NRXN1: variants seen among roughly 807,000 people sequenced by gnomAD.
The protein encoded by NRXN1 is neurexin-1.
A neutral mutation model predicts 150.9 loss-of-function variants in NRXN1; 39 were observed. That is an observed-to-expected ratio of 0.26 (90% CI 0.20 to 0.34). NRXN1 has a LOEUF of 0.34. Ranked by LOEUF, NRXN1 falls within the 10% of genes least tolerant of loss-of-function variation. The pLI is 1.00. For missense variants in NRXN1, 1,815 were observed against 1,949.9 expected, an observed-to-expected ratio of 0.93 and a Z score of 1.30; for synonymous variants, 924 against 757.0, an observed-to-expected ratio of 1.22 and a Z score of -3.62.
At chr2:50,806,609 T>C (rs1667547831) in intron 5 of NRXN1, among the ~76,000 whole-genome samples, 1 of 152,150 alleles carries the variant, frequency 6.6e-6, no homozygotes, top group African/African-American at 2.4e-5. Context: ...CCCTTAGAGA[T>C]ATGGTCACAC....
intron 2 of NRXN1, among the ~76,000 whole-genome samples, chr2:50,971,769 G>T (rs1468370729): frequency 2.0e-5 from 3 of 151,772 alleles, no homozygotes; most frequent in Non-Finnish European, 4.4e-5. Context: ...ACATTACACA[G>T]TCAGTGTTTA....
At chr2:50,409,662 G>A (rs1007411211) in intron 17 of NRXN1, among the ~76,000 whole-genome samples, 1 of 152,154 alleles carries the variant, frequency 6.6e-6, no homozygotes, top group Non-Finnish European at 1.5e-5. Flanking sequence ...TTTGAGTTAA[G>A]CCCTGTTACC....
chr2:50,379,917 T>G (rs574073510), intron 17 of NRXN1, among the ~76,000 whole-genome samples: 1 of 152,136 alleles, frequency 6.6e-6, no homozygotes, highest in Non-Finnish European at 1.5e-5. Flanking sequence ...GAAATAAGAT[T>G]ATGTTCCCAG....
chr2:50,558,884 C>T (rs193300782), intron 8 of NRXN1, among the ~76,000 whole-genome samples: 55 of 152,148 alleles, frequency 3.6e-4, no homozygotes, highest in Non-Finnish European at 6.3e-4. Flanking sequence ...AGATAGAGAC[C>T]ATCCTGGCTA....
At chr2:50,244,456 T>C (rs958696527) in intron 17 of NRXN1, among the ~76,000 whole-genome samples, 10 of 151,950 alleles carry the variant, frequency 6.6e-5, no homozygotes, top group Non-Finnish European at 8.8e-5. Context: ...TTGTGCTGAT[T>C]TGAATAAGTT....
chr2:49,947,228 A>G (rs549315752), intron 21 of NRXN1, among the ~76,000 whole-genome samples: 9 of 152,230 alleles, frequency 5.9e-5, no homozygotes, highest in East Asian at 5.8e-4. Context: ...GGAATGTTAA[A>G]TATATTGATG....
intron 5 of NRXN1, among the ~76,000 whole-genome samples, chr2:50,915,110 T>C (rs1272643261): frequency 6.6e-6 from 1 of 151,682 alleles, no homozygotes; most frequent in Non-Finnish European, 1.5e-5. Context: ...TCGGTTTTAG[T>C]CTCCTTAACA....
At chr2:50,593,449 G>C (rs1392130388) in intron 8 of NRXN1, among the ~76,000 whole-genome samples, 1 of 151,988 alleles carries the variant, frequency 6.6e-6, no homozygotes, top group Non-Finnish European at 1.5e-5. Context: ...TAAACTGTGA[G>C]GTATAAAAAT....
intron 17 of NRXN1, among the ~76,000 whole-genome samples, chr2:50,430,269 C>T (rs976441085): frequency 3.9e-5 from 6 of 151,992 alleles, no homozygotes; most frequent in Non-Finnish European, 1.5e-5. Context: ...GGGTAGGGAC[C>T]TATGTGCAAA....
chr2:50,730,031 T>C (rs374366880), intron 5 of NRXN1, among the ~76,000 whole-genome samples: 1 of 152,260 alleles, frequency 6.6e-6, no homozygotes, highest in East Asian at 1.9e-4. Context: ...GCAGCCACTC[T>C]CTCGACAGAT....
At chr2:50,203,786 C>T (rs899616200) in intron 18 of NRXN1, among the ~76,000 whole-genome samples, 4 of 152,206 alleles carry the variant, frequency 2.6e-5, no homozygotes, top group African/African-American at 9.6e-5. Flanking sequence ...GCTACAAAAT[C>T]AATAGTTCTT....
intron 8 of NRXN1, among the ~76,000 whole-genome samples, chr2:50,612,565 G>T (rs949541060): frequency 1.5e-4 from 23 of 152,116 alleles, no homozygotes; most frequent in African/African-American, 5.3e-4. Flanking sequence ...AATAAAAAAT[G>T]CTTAATATGT....
chr2:50,967,622 G>T (rs971829025), intron 2 of NRXN1, among the ~76,000 whole-genome samples: 5 of 152,012 alleles, frequency 3.3e-5, no homozygotes, highest in African/African-American at 9.7e-5. Context: ...TTTTAGCACA[G>T]AAATTATTTA....
intron 8 of NRXN1, among the ~76,000 whole-genome samples, chr2:50,604,320 A>T (rs1676750660): frequency 1.3e-5 from 2 of 152,136 alleles, no homozygotes; most frequent in Non-Finnish European, 2.9e-5. Flanking sequence ...AGCAAGGGGG[A>T]CATGAAGCTG....
intron 17 of NRXN1, among the ~76,000 whole-genome samples, chr2:50,366,776 G>T (rs10208208): frequency 0.13 from 19,878 of 151,840 alleles, 1,384 homozygotes; most frequent in African/African-American, 0.16. Context: ...AGATCATGAG[G>T]TCAAAAATCA....
chr2:49,937,201 T>C (rs941565869), intron 22 of NRXN1, among the ~76,000 whole-genome samples: 1 of 152,182 alleles, frequency 6.6e-6, no homozygotes, highest in African/African-American at 2.4e-5. Context: ...AAACATGAGA[T>C]AGTTTGTTTA....
chr2:50,876,743 G>A (rs999339845), intron 5 of NRXN1, among the ~76,000 whole-genome samples: 8 of 151,550 alleles, frequency 5.3e-5, no homozygotes, highest in Admixed American at 2.6e-4. Context: ...CCTACCGTTC[G>A]GCTCTTTATT....
At chr2:50,119,032 A>C (rs554056114) in intron 18 of NRXN1, among the ~76,000 whole-genome samples, 1 of 150,876 alleles carries the variant, frequency 6.6e-6, no homozygotes, top group Non-Finnish European at 1.5e-5. Flanking sequence ...TTACATTTAC[A>C]TTGGCCAGTA....
At chr2:50,528,831 G>T in intron 11 of NRXN1, 180 bp from the exon 12 acceptor site, 1 of 489,988 alleles carries the variant, frequency 2.0e-6, no homozygotes, top group Non-Finnish European at 3.7e-6. Flanking sequence ...GTTTACCATT[G>T]GAAACAACAA....
Sources: allele counts gnomAD v4.1 joint callset (sites outside exome capture counted in the v4.1 genomes callset), GRCh38; gene constraint gnomAD v4.1.1; transcripts MANE v1.5; gene names NCBI Gene and HGNC (gene_info 2026-07-23, HGNC 2026-07-21).